Variants in TENM3 observed in about 807,000 individuals in gnomAD.
TENM3 encodes the protein teneurin-3.
Under a neutral mutation model 255.1 loss-of-function variants are expected in TENM3, and 63 were observed. The ratio of observed to expected loss-of-function variants is 0.25; its 90% CI spans 0.20 to 0.30. The LOEUF (loss-of-function observed/expected upper bound fraction) is 0.30. Ranked by LOEUF, TENM3 falls within the 10% of genes least tolerant of loss-of-function variation. The pLI is 1.00. For missense variants in TENM3, 2,929 were observed against 3,461.1 expected (o/e 0.85, Z 3.86); for synonymous variants, 1,306 against 1,322.3 (o/e 0.99, Z 0.27).
intron 5 of TENM3, among the ~76,000 whole-genome samples, chr4:182,652,207 T>TATAA (rs1753369953): frequency 1.3e-5 from 2 of 152,202 alleles, no homozygotes; most frequent in African/African-American, 4.8e-5. Flanking sequence ...TACAAAGTTA[T>TATAA]ATGTCTTATA....
the TENM3 span, among the ~76,000 whole-genome samples, chr4:181,845,326 T>A: frequency 1.3e-5 from 2 of 152,188 alleles, no homozygotes; most frequent in African/African-American, 4.8e-5. Flanking sequence ...AGTGAGATGA[T>A]TTTGTACAAA....
the TENM3 span, among the ~76,000 whole-genome samples, chr4:182,080,313 G>T: frequency 1.5e-4 from 23 of 152,060 alleles, no homozygotes; most frequent in Middle Eastern, 3.2e-3. Flanking sequence ...TAAAAAAGAT[G>T]TTATAGAAAT....
At chr4:181,719,236 A>T in the TENM3 span, among the ~76,000 whole-genome samples, 1 of 150,450 alleles carries the variant, frequency 6.6e-6, no homozygotes, top group African/African-American at 2.5e-5. Flanking sequence ...ATAAATAAAT[A>T]AATAAAATAA....
chr4:181,773,237 A>G, the TENM3 span, among the ~76,000 whole-genome samples: 1 of 152,158 alleles, frequency 6.6e-6, no homozygotes. Context: ...AGTATCAGAT[A>G]GACTCAAAAT....
At chr4:182,042,510 G>A in the TENM3 span, among the ~76,000 whole-genome samples, 1 of 152,146 alleles carries the variant, frequency 6.6e-6, no homozygotes, top group Non-Finnish European at 1.5e-5. Context: ...GGCTTAATGG[G>A]TTGAACTCTG....
At chr4:181,893,486 T>TTCCCC in the TENM3 span, among the ~76,000 whole-genome samples, 3 of 11,362 alleles carry the variant, frequency 2.6e-4, no homozygotes, top group Non-Finnish European at 4.7e-4. Flanking sequence ...CACTTTCCCC[T>TTCCCC]GCCCACCCCC....
At chr4:181,880,968 C>T in the TENM3 span, among the ~76,000 whole-genome samples, 1 of 152,086 alleles carries the variant, frequency 6.6e-6, no homozygotes, top group Non-Finnish European at 1.5e-5. Flanking sequence ...TTACTTTTGG[C>T]TTATCATTCT....
At chr4:181,782,176 A>G in the TENM3 span, among the ~76,000 whole-genome samples, 1 of 151,924 alleles carries the variant, frequency 6.6e-6, no homozygotes, top group Non-Finnish European at 1.5e-5. Context: ...TATTGATTGG[A>G]ATAGTTTCAG....
chr4:182,459,985 C>T (rs1774209014), intron 3 of TENM3, among the ~76,000 whole-genome samples: 1 of 151,990 alleles, frequency 6.6e-6, no homozygotes, highest in Non-Finnish European at 1.5e-5. Flanking sequence ...CATCGCCAGC[C>T]CCCATTTCCA....
At chr4:181,685,398 A>T in the TENM3 span, among the ~76,000 whole-genome samples, 1 of 152,164 alleles carries the variant, frequency 6.6e-6, no homozygotes, top group Non-Finnish European at 1.5e-5. Flanking sequence ...AAGAGATGGC[A>T]TTGTATGTTA....
At chr4:181,634,437 C>G in the TENM3 span, among the ~76,000 whole-genome samples, 1 of 131,464 alleles carries the variant, frequency 7.6e-6, no homozygotes, top group Non-Finnish European at 1.6e-5. Flanking sequence ...AGCCATTTAT[C>G]ATCAAGGGGA....
At chr4:181,616,400 TAC>T in the TENM3 span, among the ~76,000 whole-genome samples, 12 of 146,906 alleles carry the variant, frequency 8.2e-5, no homozygotes, top group South Asian at 2.6e-3. Context: ...GATATATATA[TAC>T]CCCTATATAT....
chr4:182,067,686 T>G, the TENM3 span, among the ~76,000 whole-genome samples: 13 of 152,190 alleles, frequency 8.5e-5, no homozygotes, highest in African/African-American at 3.1e-4. Flanking sequence ...TCTCTCTTGC[T>G]GGAATATTGG....
chr4:181,943,612 T>G, the TENM3 span, among the ~76,000 whole-genome samples: 1 of 152,342 alleles, frequency 6.6e-6, no homozygotes, highest in Non-Finnish European at 1.5e-5. Context: ...GTTTCTTTGA[T>G]GCATAAACAG....
the TENM3 span, among the ~76,000 whole-genome samples, chr4:181,448,153 A>ATTT: frequency 9.2e-6 from 1 of 108,730 alleles, no homozygotes; most frequent in African/African-American, 3.7e-5. Context: ...GAAATCCAGT[A>ATTT]ATTTTTTTTT....
chr4:182,613,384 A>G (rs1484080446), intron 4 of TENM3, among the ~76,000 whole-genome samples: 2 of 152,154 alleles, frequency 1.3e-5, no homozygotes, highest in Admixed American at 6.6e-5. Context: ...ATTTTTTTGT[A>G]TATTTAGTCC....
At chr4:182,053,986 G>A in the TENM3 span, among the ~76,000 whole-genome samples, 1 of 152,144 alleles carries the variant, frequency 6.6e-6, no homozygotes, top group Non-Finnish European at 1.5e-5. Context: ...GTAGGTTGAA[G>A]ACATAAGATG....
chr4:182,680,078 T>G (rs1474338022), intron 8 of TENM3, among the ~76,000 whole-genome samples, 170 bp from the exon 9 acceptor site: 2 of 152,226 alleles, frequency 1.3e-5, no homozygotes, highest in Non-Finnish European at 2.9e-5. Flanking sequence ...TGGAATTACC[T>G]TGGGAGAGGA....
At chr4:182,525,269 A>G (rs554185458) in intron 3 of TENM3, among the ~76,000 whole-genome samples, 122 of 152,366 alleles carry the variant, frequency 8.0e-4, no homozygotes, top group Admixed American at 3.8e-3. Context: ...GTCTATTAAA[A>G]ATATGATCTT....
Sources: gnomAD v4.1 joint callset for allele counts (sites outside exome capture counted in the v4.1 genomes callset) on GRCh38, gnomAD v4.1.1 for gene constraint, MANE v1.5 for transcripts, NCBI Gene and HGNC (gene_info 2026-07-23, HGNC 2026-07-21) for gene names.